NKAIN2: variants seen among roughly 807,000 people sequenced by gnomAD.
NKAIN2 encodes sodium/potassium transporting ATPase interacting 2, also known as sodium/potassium-transporting ATPase subunit beta-1-interacting protein 2.
NKAIN2 carries 14 observed loss-of-function variants against 32.6 expected under a neutral mutation model. That is an observed-to-expected ratio of 0.43 (90% confidence interval 0.28 to 0.67). The LOEUF is 0.67. NKAIN2 is among the 30% of genes least tolerant of loss of function. The probability of loss-of-function intolerance (pLI) is 0.17; values close to 1 mark genes in which losing one functional copy is unlikely to be tolerated. For synonymous variants in NKAIN2, 80 were observed against 87.2 expected (o/e 0.92, Z 0.46); for missense variants, 198 against 258.3 (o/e 0.77, Z 1.60).
chr6:123,912,480 T>A (rs1775264028), intron 1 of NKAIN2, among the ~76,000 whole-genome samples: 1 of 152,130 alleles, frequency 6.6e-6, no homozygotes, highest in South Asian at 2.1e-4. Context: ...TCAAATTAGG[T>A]GTATTTCTTG....
intron 1 of NKAIN2, among the ~76,000 whole-genome samples, chr6:124,177,147 G>C (rs1789197112): frequency 6.6e-6 from 1 of 152,042 alleles, no homozygotes. Context: ...AAATGCAAAA[G>C]TATTTTATAT....
At chr6:124,167,892 C>A (rs1788641745) in intron 1 of NKAIN2, among the ~76,000 whole-genome samples, 1 of 152,112 alleles carries the variant, frequency 6.6e-6, no homozygotes, top group Admixed American at 6.6e-5. Context: ...TAGGTAGCCT[C>A]TTGAATTGAG....
intron 3 of NKAIN2, among the ~76,000 whole-genome samples, chr6:124,657,151 G>A (rs1169141217): frequency 5.9e-5 from 9 of 152,096 alleles, no homozygotes; most frequent in East Asian, 1.9e-4. Context: ...CGTCACAAAC[G>A]ATGACTTAAG....
chr6:124,743,481 C>A (rs1777316773), intron 4 of NKAIN2, among the ~76,000 whole-genome samples: 1 of 151,868 alleles, frequency 6.6e-6, no homozygotes, highest in South Asian at 2.1e-4. Flanking sequence ...CTACAGTGTG[C>A]TCTTCTAGCT....
At chr6:123,808,180 A>G (rs1773298886) in intron 1 of NKAIN2, among the ~76,000 whole-genome samples, 1 of 152,136 alleles carries the variant, frequency 6.6e-6, no homozygotes, top group Non-Finnish European at 1.5e-5. Context: ...GAATCTTATG[A>G]TATTCCTGGT....
At chr6:124,258,903 A>G (rs371444616) in intron 1 of NKAIN2, among the ~76,000 whole-genome samples, 104 of 152,302 alleles carry the variant, frequency 6.8e-4, no homozygotes, top group African/African-American at 2.3e-3. Flanking sequence ...GTTCCAAGGC[A>G]TTTTGAGAGC....
At chr6:124,410,712 C>T (rs1774122822) in intron 3 of NKAIN2, among the ~76,000 whole-genome samples, 1 of 152,134 alleles carries the variant, frequency 6.6e-6, no homozygotes, top group Non-Finnish European at 1.5e-5. Flanking sequence ...TCTATTAGGT[C>T]CGCTTGGTGC....
intron 3 of NKAIN2, among the ~76,000 whole-genome samples, chr6:124,366,149 G>A (rs150816268): frequency 6.6e-6 from 1 of 151,992 alleles, no homozygotes; most frequent in South Asian, 2.1e-4. Context: ...AGAACTCAAT[G>A]CATATACAAT....
In NKAIN2 at chr6:123,934,009, A is replaced by G. The variant is rs543015543; in HGVS notation, c.54+129755A>G. On this transcript the variant is annotated intron_variant, in intron 1 of 6. Coordinates refer to ENST00000368417, the MANE Select transcript of NKAIN2 (RefSeq NM_001040214.3). ...TGCCCATGAAGCCACTACTGTTTGT[A>G]TGGATCCTTTAAAAAATAGTCTCCA... Among the ~76,000 whole-genome samples, 38 of 138,204 alleles carry G rather than the reference A, an allele frequency of 2.7e-4. 1 individual carries two copies. In the South Asian group the frequency reaches 8.8e-3, roughly 32 times the overall value. The allele number at this position is 138,204 out of a possible 152,430, so 90.7% of individuals were successfully genotyped here. A position where few individuals can be genotyped will look rare whatever the true frequency, so the allele number is the denominator to read the frequency against.
At chr6:124,782,505 T>C (rs1268897152) in intron 4 of NKAIN2, among the ~76,000 whole-genome samples, 1 of 152,164 alleles carries the variant, frequency 6.6e-6, no homozygotes, top group African/African-American at 2.4e-5. Context: ...TACAGAGAAA[T>C]CTGGCCTTGT....
chr6:124,119,514 A>G (rs970170665), intron 1 of NKAIN2, among the ~76,000 whole-genome samples: 1 of 152,206 alleles, frequency 6.6e-6, no homozygotes, highest in African/African-American at 2.4e-5. Context: ...ATGAATCGAT[A>G]GATCATAGTT....
At chr6:124,355,186 G>T (rs1031455902) in intron 2 of NKAIN2, 81 bp from the exon 3 acceptor site, 1 of 821,896 alleles carries the variant, frequency 1.2e-6, no homozygotes, top group African/African-American at 1.7e-5. Context: ...ATATTAGGGT[G>T]TGCGAAAGTT....
chr6:124,020,367 C>T (rs1780809292), intron 1 of NKAIN2, among the ~76,000 whole-genome samples: 1 of 152,098 alleles, frequency 6.6e-6, no homozygotes, highest in South Asian at 2.1e-4. Flanking sequence ...CCCTTTGCCT[C>T]ATTTCTTCTT....
At chr6:123,975,020 G>A (rs1257146408) in intron 1 of NKAIN2, among the ~76,000 whole-genome samples, 1 of 152,072 alleles carries the variant, frequency 6.6e-6, no homozygotes, top group African/African-American at 2.4e-5. Context: ...CCTCATTTTA[G>A]CGTATGTTTG....
chr6:123,961,302 G>T (rs530905764), intron 1 of NKAIN2, among the ~76,000 whole-genome samples: 2 of 152,078 alleles, frequency 1.3e-5, no homozygotes, highest in Non-Finnish European at 2.9e-5. Context: ...TGTATACTAC[G>T]ATTATTCCTG....
intron 1 of NKAIN2, among the ~76,000 whole-genome samples, chr6:123,863,255 T>A (rs1366576009): frequency 1.3e-5 from 2 of 152,226 alleles, no homozygotes; most frequent in Non-Finnish European, 2.9e-5. Flanking sequence ...ATTGTAATAA[T>A]TTGGTAAATG....
intron 1 of NKAIN2, among the ~76,000 whole-genome samples, chr6:124,176,958 T>A (rs574135089): frequency 9.2e-4 from 140 of 152,246 alleles, no homozygotes; most frequent in African/African-American, 3.3e-3. Flanking sequence ...ATGACTTTTT[T>A]AAAAATGCCT....
chr6:124,715,055 C>G (rs549203033), intron 4 of NKAIN2, among the ~76,000 whole-genome samples: 1 of 152,288 alleles, frequency 6.6e-6, no homozygotes, highest in East Asian at 1.9e-4. Context: ...AAATGCCACC[C>G]ACTCCCTGAA....
intron 3 of NKAIN2, among the ~76,000 whole-genome samples, chr6:124,454,096 G>GTTT (rs34030256): frequency 3.6e-4 from 30 of 83,302 alleles, no homozygotes; most frequent in African/African-American, 9.5e-4. Context: ...AATATGTTGG[G>GTTT]TTTTTTTTTT....
Sources: gnomAD v4.1 joint callset for allele counts (sites outside exome capture counted in the v4.1 genomes callset) on GRCh38, gnomAD v4.1.1 for gene constraint, MANE v1.5 for transcripts, NCBI Gene and HGNC (gene_info 2026-07-23, HGNC 2026-07-21) for gene names.